The following TOGARAM1 variants were observed in gnomAD, a reference collection of about 807,000 sequenced individuals.
TOGARAM1 encodes the protein TOG array regulator of axonemal microtubules 1.
Under a neutral mutation model 166.6 loss-of-function variants are expected in TOGARAM1, and 100 were observed. The ratio of observed to expected loss-of-function variants is 0.60; its 90% CI spans 0.51 to 0.71. TOGARAM1 has a LOEUF of 0.71. TOGARAM1 is among the 30% of genes least tolerant of loss of function. The pLI is 0.00. For synonymous variants in TOGARAM1, 758 were observed against 763.8 expected (o/e 0.99, Z 0.13); for missense variants, 2,029 against 2,102.7 (o/e 0.96, Z 0.69).
intron 7 of TOGARAM1, among the ~76,000 whole-genome samples, chr14:45,020,278 A>G (rs1880420190): frequency 6.6e-6 from 1 of 152,176 alleles, no homozygotes; most frequent in African/African-American, 2.4e-5. Flanking sequence ...ATTGATTAAC[A>G]TAATAACAGC....
chr14:45,000,100 G>A (rs1176977431), intron 3 of TOGARAM1, among the ~76,000 whole-genome samples: 1 of 152,018 alleles, frequency 6.6e-6, no homozygotes, highest in African/African-American at 2.4e-5. Flanking sequence ...CGGGTTTTGA[G>A]CAATTCTCCT....
intron 19 of TOGARAM1, among the ~76,000 whole-genome samples, chr14:45,072,787 T>C (rs1406056237): frequency 6.6e-6 from 1 of 151,456 alleles, no homozygotes; most frequent in Non-Finnish European, 1.5e-5. Flanking sequence ...GAGTATCTAG[T>C]AGAAAGAAGG....
rs571207787 is a variant in TOGARAM1, at chr14:44,962,316, C to T, written c.-106C>T. 1.8e-4 allele frequency: 253 copies of T among 1,370,932 alleles called. No individual in the cohort carries two copies. The highest frequency in any genetic ancestry group is 3.9e-4 in the Admixed American group (15 of 38,750). 84.9% of individuals were successfully genotyped at this position (1,370,932 alleles called of 1,614,324 possible). Reference sequence around the variant, plus strand: ...CGGCAGGCTGAAGCTGTTCTTTTGCCTCTTCTGCAGCTTGGGGCTTGGAGA... The same window carrying T: ...CGGCAGGCTGAAGCTGTTCTTTTGCTTCTTCTGCAGCTTGGGGCTTGGAGA... On this transcript the variant is annotated 5_prime_UTR_variant, in exon 1 of 20. Transcript: ENST00000361462.
At chr14:45,062,264 G>T (rs1302866913) in intron 16 of TOGARAM1, among the ~76,000 whole-genome samples, 1 of 152,014 alleles carries the variant, frequency 6.6e-6, no homozygotes, top group South Asian at 2.1e-4. Flanking sequence ...GCTTTCTGTT[G>T]TATCACTTTT....
Position 45,006,044 on chromosome 14 carries a change from C to T in TOGARAM1, c.2681C>T (p.Thr894Ile). The T allele has an allele frequency of 6.2e-7, 1 of 1,605,200 alleles. No individual in the cohort carries two copies. Among genetic ancestry groups the T allele is most frequent in the East Asian group, 2.2e-5 (1 of 44,818 alleles). Residue 894 changes from threonine (T) to isoleucine (I), a missense_variant, in exon 5 of 20, where the codon ACA becomes ATA. Physicochemically the swap from Thr to Ile is moderately conservative, Grantham distance 89. Around this residue, in one of 2 missense-constraint regions of TOGARAM1, gnomAD observed 1,453 missense variants for 1,432.2 expected, o/e 1.01. Coordinates refer to ENST00000361462, the MANE Select transcript of TOGARAM1 (RefSeq NM_001308120.2). ...CAAGAAAAACCTCCAGTTCAGCTTACACCTGCCTTGGTGAGATCGCCATCT... is the reference window on the plus strand; with the variant it reads ...CAAGAAAAACCTCCAGTTCAGCTTATACCTGCCTTGGTGAGATCGCCATCT... ...NSQEKPPVQL[T>I]PALVRSPSSR...
At chr14:45,019,465 G>A (rs1415483644) in intron 7 of TOGARAM1, among the ~76,000 whole-genome samples, 1 of 152,076 alleles carries the variant, frequency 6.6e-6, no homozygotes, top group Non-Finnish European at 1.5e-5. Context: ...ACCTTGAGTG[G>A]TTCTCTGTTT....
At chr14:45,063,137 A>C (rs1333933060) in intron 16 of TOGARAM1, among the ~76,000 whole-genome samples, 2 of 152,168 alleles carry the variant, frequency 1.3e-5, no homozygotes, top group African/African-American at 4.8e-5. Flanking sequence ...TCAAAATATC[A>C]AGGGCTCTTC....
chr14:45,046,650 A>G lies in TOGARAM1; in HGVS notation c.4260A>G (p.Glu1420=), dbSNP rs1273897507. ...RILSAAKDMA[E]RILPAAAKFA... The stretch of plus-strand genomic sequence containing the variant: ...TATCTGCAGCAAAGGATATGGCTGA[A>G]CGCATATTACCAGCTGCTGCTAAGT... The change falls in exon 14 of 20, where the codon GAA becomes GAG. Residue 1420 remains glutamate, a synonymous_variant. Coordinates refer to ENST00000361462, the MANE Select transcript of TOGARAM1 (RefSeq NM_001308120.2). 2 of 1,367,546 alleles carry G rather than the reference A, an allele frequency of 1.5e-6. No homozygotes were observed. Among genetic ancestry groups the G allele is most frequent in the Admixed American group, 3.2e-5 (1 of 31,230 alleles). 84.7% of individuals were successfully genotyped at this position (1,367,546 alleles called of 1,614,324 possible).
chr14:45,050,635 T>C (rs1882316196), intron 14 of TOGARAM1, among the ~76,000 whole-genome samples: 1 of 151,822 alleles, frequency 6.6e-6, no homozygotes, highest in Non-Finnish European at 1.5e-5. Context: ...TTCCTTTTTT[T>C]TTCCCCCAAG....
chr14:45,024,455 T>C (rs947321366), intron 7 of TOGARAM1, among the ~76,000 whole-genome samples: 2 of 152,148 alleles, frequency 1.3e-5, no homozygotes, highest in Non-Finnish European at 2.9e-5. Context: ...AAAAATATAG[T>C]GTAAAACATA....
At chr14:44,991,566 G>A (rs1447644873) in intron 1 of TOGARAM1, among the ~76,000 whole-genome samples, 1 of 152,124 alleles carries the variant, frequency 6.6e-6, no homozygotes. Flanking sequence ...ACAAAGATAT[G>A]TGTGTAACAA....
chr14:45,020,038 C>A (rs544831129), intron 7 of TOGARAM1, among the ~76,000 whole-genome samples: 1 of 152,052 alleles, frequency 6.6e-6, no homozygotes, highest in African/African-American at 2.4e-5. Flanking sequence ...TTTGAAGAGC[C>A]ATTTGTAGCT....
intron 11 of TOGARAM1, among the ~76,000 whole-genome samples, chr14:45,033,901 G>C (rs1009310181): frequency 6.6e-6 from 1 of 152,186 alleles, no homozygotes; most frequent in African/African-American, 2.4e-5. Flanking sequence ...AGTGGCTCAT[G>C]CCTGTAATCT....
intron 3 of TOGARAM1, among the ~76,000 whole-genome samples, chr14:44,999,708 T>C (rs1156377027): frequency 6.6e-6 from 1 of 152,218 alleles, no homozygotes; most frequent in South Asian, 2.1e-4. Context: ...AATTAGAGTT[T>C]AGATACTCAT....
intron 16 of TOGARAM1, among the ~76,000 whole-genome samples, chr14:45,057,552 G>T (rs758233751): frequency 6.6e-6 from 1 of 151,934 alleles, no homozygotes; most frequent in African/African-American, 2.4e-5. Flanking sequence ...TCAGCCTCAC[G>T]AAGTGCTTTC....
intron 16 of TOGARAM1, among the ~76,000 whole-genome samples, chr14:45,054,799 A>G (rs1242532921): frequency 1.3e-5 from 2 of 152,174 alleles, no homozygotes; most frequent in Non-Finnish European, 2.9e-5. Flanking sequence ...TGTTAGGCCT[A>G]TTTTGGACAA....
At chr14:44,977,791 G>A (rs1053950330) in intron 1 of TOGARAM1, among the ~76,000 whole-genome samples, 13 of 151,590 alleles carry the variant, frequency 8.6e-5, no homozygotes, top group Non-Finnish European at 1.9e-4. Context: ...GACTACAGGC[G>A]TGTGCCACCA....
intron 4 of TOGARAM1, among the ~76,000 whole-genome samples, chr14:45,004,780 T>C (rs10450886): frequency 0.046 from 7,051 of 152,176 alleles, 524 homozygotes; most frequent in African/African-American, 0.16. Flanking sequence ...ATAATGAACA[T>C]GAACAACATA....
Position 45,009,059 on chromosome 14 carries a change from C to T in TOGARAM1, c.3051C>T (p.Asn1017=), listed in dbSNP as rs1214694379. 5 of 1,613,960 alleles carry T rather than the reference C, an allele frequency of 3.1e-6. No homozygotes were observed. Among genetic ancestry groups the T allele is most frequent in the Non-Finnish European group, 4.2e-6 (5 of 1,180,004 alleles). The change falls in exon 6 of 20, where the codon AAC becomes AAT. Residue 1017 remains asparagine (N), a synonymous_variant. Transcript: ENST00000361462. ...CCCCGTCTCTGTCTTCCTCACCAAA[C>T]ATCAATTCTTACAGTGAAAGTGGAG... The part of the protein sequence containing the change: ...MDSPSLSSSP[N]INSYSESGVY...
Sources: allele counts gnomAD v4.1 joint callset (sites outside exome capture counted in the v4.1 genomes callset), GRCh38; gene constraint gnomAD v4.1.1; regional missense constraint gnomAD v4.1.1; transcripts MANE v1.5; gene names NCBI Gene and HGNC (gene_info 2026-07-23, HGNC 2026-07-21).